CRISP1: variants seen among roughly 807,000 people sequenced by gnomAD.
CRISP1 encodes the protein cysteine rich secretory protein 1.
A neutral mutation model predicts 33.1 loss-of-function variants in CRISP1; 44 were observed. The ratio of observed to expected loss-of-function variants is 1.33; its 90% CI spans 1.05 to 1.71. The LOEUF (loss-of-function observed/expected upper bound fraction) is 1.71, where lower values mean the gene tolerates loss of function less well. Among genes scored for constraint, CRISP1 ranks in the 40% most tolerant of loss-of-function variants. CRISP1 has a pLI of 0.00. For synonymous variants in CRISP1, 103 were observed against 98.7 expected (o/e 1.04, Z -0.26); for missense variants, 390 against 301.2 (o/e 1.29, Z -2.18).
chr6:49,835,947 T>C (rs1046300818), intron 7 of CRISP1, among the ~76,000 whole-genome samples: 2 of 152,186 alleles, frequency 1.3e-5, no homozygotes, highest in Non-Finnish European at 2.9e-5. Context: ...GTGATTTTTC[T>C]CACCTTGCTC....
Position 49,835,244 on chromosome 6 carries a change from G to A in CRISP1, c.*72C>T, listed in dbSNP as rs1271119662. The A allele has an allele frequency of 4.6e-6, 7 of 1,523,302 alleles. No homozygotes were observed. The highest frequency in any genetic ancestry group is 5.4e-6 in the Non-Finnish European group (6 of 1,120,838). 94.4% of individuals were successfully genotyped at this position (1,523,302 alleles called of 1,614,324 possible). ...ATTTAGCAGAAGCTACTGAACTATA[G>A]CAAAAGACATGAATCCAACAGACAT... On this transcript the variant is annotated 3_prime_UTR_variant, in exon 8 of 8. Coordinates refer to ENST00000335847, the MANE Select transcript of CRISP1 (RefSeq NM_001131.3).
chr6:49,852,157 T>C (rs1209548516), intron 2 of CRISP1, 28 bp from the exon 3 acceptor site: 4 of 1,600,986 alleles, frequency 2.5e-6, no homozygotes, highest in Non-Finnish European at 2.6e-6. Flanking sequence ...TTAATTAGTG[T>C]TACTTCTTTT....
intron 1 of CRISP1, among the ~76,000 whole-genome samples, chr6:49,864,645 T>A (rs1447685328): frequency 6.6e-6 from 1 of 152,114 alleles, no homozygotes; most frequent in Non-Finnish European, 1.5e-5. Context: ...TAATTTATAT[T>A]TGTTTAATAA....
At chr6:49,868,280 T>A (rs1176560733), upstream of CRISP1, among the ~76,000 whole-genome samples, 1 of 152,218 alleles carries the variant, frequency 6.6e-6, no homozygotes, top group Non-Finnish European at 1.5e-5. Flanking sequence ...TTTCATAGAT[T>A]GTTCTCTTTC....
intron 3 of CRISP1, among the ~76,000 whole-genome samples, chr6:49,850,805 C>G (rs1233040879): frequency 6.6e-6 from 1 of 151,972 alleles, no homozygotes. Flanking sequence ...TTTTACTTTT[C>G]TTTAACTCTG....
chr6:49,862,323 A>T (rs539952638), intron 1 of CRISP1, among the ~76,000 whole-genome samples: 1 of 152,230 alleles, frequency 6.6e-6, no homozygotes, highest in East Asian at 1.9e-4. Flanking sequence ...TTATGAAAGA[A>T]ATTGAAAAGG....
chr6:49,859,872 C>T (rs1771600151), intron 1 of CRISP1, among the ~76,000 whole-genome samples: 1 of 152,002 alleles, frequency 6.6e-6, no homozygotes, highest in Non-Finnish European at 1.5e-5. Context: ...AGAAAGTCAT[C>T]TCACCTGTAA....
chr6:49,848,444 T>C, intron 3 of CRISP1, 145 bp from the exon 4 acceptor site: 1 of 478,636 alleles, frequency 2.1e-6, no homozygotes, highest in Non-Finnish European at 3.6e-6. Flanking sequence ...TTAAACGTTC[T>C]AGTAGAAAGA....
At chr6:49,858,715 CT>C (rs1465326372) in intron 1 of CRISP1, among the ~76,000 whole-genome samples, 1 of 152,048 alleles carries the variant, frequency 6.6e-6, no homozygotes, top group Admixed American at 6.6e-5. Flanking sequence ...TGAAATGTCC[CT>C]TTCTCTTTCT....
chr6:49,848,792 T>A (rs1017276730), intron 3 of CRISP1, among the ~76,000 whole-genome samples: 3 of 151,896 alleles, frequency 2.0e-5, no homozygotes, highest in African/African-American at 4.8e-5. Flanking sequence ...AAGTATAGAG[T>A]CATATTTCCA....
chr6:49,844,805 C>A (rs993401032), intron 5 of CRISP1, among the ~76,000 whole-genome samples: 2 of 152,172 alleles, frequency 1.3e-5, no homozygotes, highest in African/African-American at 4.8e-5. Flanking sequence ...AATGTCTATC[C>A]TATGCCTGTC....
upstream of CRISP1, among the ~76,000 whole-genome samples, chr6:49,867,994 A>G (rs560758445): frequency 2.0e-5 from 3 of 152,296 alleles, no homozygotes; most frequent in African/African-American, 7.2e-5. Flanking sequence ...ACTGCTGTTT[A>G]TAAAGGAGAG....
chr6:49,834,626 A>G lies in CRISP1; in HGVS notation c.*690T>C, dbSNP rs543402721. The stretch of plus-strand genomic sequence containing the variant: ...TTTCTCATATTATGCTATTTTATAT[A>G]TCTTTTATACTGCCTTTGCAATGAA... On this transcript the variant is annotated 3_prime_UTR_variant, in exon 8 of 8. Transcript: ENST00000335847. The G allele has an allele frequency of 6.6e-6, 1 of 152,246 alleles. No individual in the cohort carries two copies. Among genetic ancestry groups the G allele is most frequent in the South Asian group, 2.1e-4 (1 of 4,824 alleles). 9.4% of individuals were successfully genotyped at this position (152,246 alleles called of 1,614,324 possible).
At chr6:49,868,332 C>A (rs1021246500), upstream of CRISP1, among the ~76,000 whole-genome samples, 1 of 152,114 alleles carries the variant, frequency 6.6e-6, no homozygotes, top group Non-Finnish European at 1.5e-5. Flanking sequence ...TCTACAATAA[C>A]TTTTTTCCCT....
upstream of CRISP1, among the ~76,000 whole-genome samples, chr6:49,868,596 TTAAAATCATATTTG>T (rs1771853931): frequency 6.6e-6 from 1 of 152,220 alleles, no homozygotes; most frequent in South Asian, 2.1e-4. Flanking sequence ...AAATGTGATT[TTAAAATCATATTTG>T]TAAAATAATT....
chr6:49,846,473 A>G (rs780180432), intron 5 of CRISP1, 47 bp downstream of exon 5: 6 of 1,574,214 alleles, frequency 3.8e-6, no homozygotes, highest in Non-Finnish European at 5.2e-6. Context: ...TTCCACACAC[A>G]TGCTTATCTC....
chr6:49,844,439 C>T (rs1293468657), intron 5 of CRISP1, among the ~76,000 whole-genome samples: 1 of 152,186 alleles, frequency 6.6e-6, no homozygotes, highest in African/African-American at 2.4e-5. Context: ...ATCATGAGGG[C>T]TCCCATGCCC....
In CRISP1 at chr6:49,848,684, T is replaced by G. The variant is rs554233832; in HGVS notation, c.196-385A>C. The stretch of plus-strand genomic sequence containing the variant: ...CCATCTGGAAACTGTTACCTGTAAT[T>G]TATGCCCAAAGGTTTGTTCAAATGT... On this transcript the variant is annotated intron_variant, in intron 3 of 7. Coordinates refer to ENST00000335847, the MANE Select transcript of CRISP1 (RefSeq NM_001131.3). Among the ~76,000 whole-genome samples, 45 of 152,282 alleles carry G rather than the reference T, an allele frequency of 3.0e-4. No homozygotes were observed. The East Asian group carries it at 5.0e-3, about 17-fold the overall frequency.
At chr6:49,861,026 C>T (rs1771635947) in intron 1 of CRISP1, among the ~76,000 whole-genome samples, 1 of 151,940 alleles carries the variant, frequency 6.6e-6, no homozygotes, top group Non-Finnish European at 1.5e-5. Context: ...AGACATACAA[C>T]CTACCAAGAT....
Sources: allele counts gnomAD v4.1 joint callset (sites outside exome capture counted in the v4.1 genomes callset), GRCh38; gene constraint gnomAD v4.1.1; transcripts MANE v1.5; gene names NCBI Gene and HGNC (gene_info 2026-07-23, HGNC 2026-07-21).